Variants in NUP93 observed in about 807,000 individuals in gnomAD.
NUP93 encodes nuclear pore complex protein Nup93.
Under a neutral mutation model 107.8 loss-of-function variants are expected in NUP93, and 55 were observed. The observed-to-expected ratio is 0.51, with a 90% CI of 0.41 to 0.64. The LOEUF (loss-of-function observed/expected upper bound fraction) is 0.64, where lower values mean the gene tolerates loss of function less well. Among genes scored for constraint, NUP93 ranks in the 30% least tolerant of loss-of-function variants. The pLI, the probability that NUP93 is intolerant of heterozygous loss-of-function variation, is 0.00. For missense variants in NUP93, 937 were observed against 1,044.7 expected, an observed-to-expected ratio of 0.90 and a Z score of 1.42; for synonymous variants, 390 against 397.5, an observed-to-expected ratio of 0.98 and a Z score of 0.22.
chr16:56,818,545 C>A, intron 5 of NUP93, 119 bp from the exon 6 acceptor site: 1 of 782,496 alleles, frequency 1.3e-6, no homozygotes, highest in Non-Finnish European at 2.1e-6. Context: ...GAATTCTTAA[C>A]TAGGAAACAG....
intron 9 of NUP93, among the ~76,000 whole-genome samples, chr16:56,829,921 G>A (rs1362364017): frequency 1.3e-5 from 2 of 152,212 alleles, no homozygotes; most frequent in African/African-American, 4.8e-5. Context: ...AGGAGTTGAA[G>A]AAAAGCAAAG....
intron 3 of NUP93, among the ~76,000 whole-genome samples, chr16:56,773,950 T>C (rs1215704252): frequency 3.9e-5 from 6 of 152,222 alleles, no homozygotes. Flanking sequence ...TAGTGTTCAA[T>C]ATAATATATG....
intron 1 of NUP93, among the ~76,000 whole-genome samples, chr16:56,737,460 T>C (rs1961631971): frequency 1.3e-5 from 2 of 152,210 alleles, no homozygotes; most frequent in African/African-American, 4.8e-5. Flanking sequence ...ACAGGAATTC[T>C]GAGAGAATAC....
At chr16:56,832,512 G>T in intron 12 of NUP93, 124 bp downstream of exon 12, 1 of 716,172 alleles carries the variant, frequency 1.4e-6, no homozygotes, top group South Asian at 1.6e-5. Context: ...CCTATAGATT[G>T]TCAAGGCAAA....
At chr16:56,775,148 A>G (rs751659927) in intron 3 of NUP93, among the ~76,000 whole-genome samples, 1 of 151,898 alleles carries the variant, frequency 6.6e-6, no homozygotes, top group Non-Finnish European at 1.5e-5. Context: ...CGATCCACCT[A>G]CTTTGGCCTC....
intron 3 of NUP93, among the ~76,000 whole-genome samples, chr16:56,786,111 A>G (rs1174681290): frequency 1.3e-5 from 2 of 152,036 alleles, no homozygotes; most frequent in East Asian, 1.9e-4. Context: ...TAAAATATAT[A>G]TTTTGGCCAC....
intron 3 of NUP93, among the ~76,000 whole-genome samples, chr16:56,784,219 T>C (rs1399570137): frequency 6.6e-6 from 1 of 152,218 alleles, no homozygotes; most frequent in African/African-American, 2.4e-5. Context: ...CTTTTCACTG[T>C]CTTTTAAAAG....
intron 1 of NUP93, among the ~76,000 whole-genome samples, chr16:56,735,619 C>T (rs1206348794): frequency 2.0e-5 from 3 of 152,012 alleles, no homozygotes; most frequent in Non-Finnish European, 2.9e-5. Flanking sequence ...CCAAGGCGAG[C>T]GGATCACTTG....
intron 1 of NUP93, among the ~76,000 whole-genome samples, chr16:56,740,358 C>G (rs1399667074): frequency 2.1e-4 from 31 of 149,946 alleles, no homozygotes; most frequent in African/African-American, 7.1e-4. Context: ...GGGTCTCGGC[C>G]GGGCAGAGGC....
At chr16:56,807,129 T>C (rs1406540842) in intron 5 of NUP93, among the ~76,000 whole-genome samples, 1 of 152,214 alleles carries the variant, frequency 6.6e-6, no homozygotes, top group Non-Finnish European at 1.5e-5. Context: ...GCTTTCCCTG[T>C]TGTTCTTGCT....
rs911433570 is a variant in NUP93, at chr16:56,743,563, G to A, written c.-14-4671G>A. Among the ~76,000 whole-genome samples the A allele has an allele frequency of 2.6e-5, 4 of 152,128 alleles. 1 individual carries two copies. The highest frequency in any genetic ancestry group is 9.7e-5 in the African/African-American group (4 of 41,424). ...ATCCTACTGCAGCTTCTGAAAAAAG[G>A]TGGGTCATTGTCCTTTGTTTGATTG... On this transcript the variant is annotated intron_variant, in intron 1 of 21. Coordinates refer to ENST00000308159, the MANE Select transcript of NUP93 (RefSeq NM_014669.5).
At chr16:56,747,513 A>T (rs1961840135) in intron 1 of NUP93, among the ~76,000 whole-genome samples, 3 of 152,312 alleles carry the variant, frequency 2.0e-5, no homozygotes, top group Admixed American at 6.5e-5. Flanking sequence ...TAACCTTGTA[A>T]GATAAAGAAT....
chr16:56,778,117 G>A (rs1962448393), intron 3 of NUP93, among the ~76,000 whole-genome samples: 1 of 152,188 alleles, frequency 6.6e-6, no homozygotes, highest in South Asian at 2.1e-4. Flanking sequence ...GACTGAATGA[G>A]AGCGACACAG....
At chr16:56,762,108 A>G (rs1223994601) in intron 3 of NUP93, among the ~76,000 whole-genome samples, 1 of 152,142 alleles carries the variant, frequency 6.6e-6, no homozygotes, top group Non-Finnish European at 1.5e-5. Flanking sequence ...GTTCTAAATG[A>G]CTTTGTGGTG....
rs1290840484 is a variant in NUP93, at chr16:56,833,304, C to T, written c.1435C>T (p.Leu479Phe). The T allele has an allele frequency of 1.9e-6, 3 of 1,607,234 alleles. No individual in the cohort carries two copies. Among genetic ancestry groups the T allele is most frequent in the Non-Finnish European group, 2.5e-6 (3 of 1,177,942 alleles). The change falls in exon 13 of 22, where the codon CTT becomes TTT. Residue 479 changes from leucine (L) to phenylalanine (F), a missense_variant. Transcript: ENST00000308159. ...TAQFEAAVAF[L>F]FRMERLRCHA... ...GCAGTTTGAAGCAGCAGTTGCCTTT[C>T]TTTTCCGCATGGAGCGGCTGCGCTG...
intron 1 of NUP93, 117 bp from the exon 2 acceptor site, chr16:56,748,117 T>C (rs1961852813): frequency 3.2e-6 from 2 of 626,834 alleles, no homozygotes; most frequent in African/African-American, 1.8e-5. Context: ...TGATGAGCTG[T>C]GTCCTCGTCT....
intron 2 of NUP93, among the ~76,000 whole-genome samples, chr16:56,757,482 C>T (rs148979870): frequency 1.3e-4 from 20 of 152,220 alleles, no homozygotes; most frequent in Middle Eastern, 3.4e-3. Flanking sequence ...AGACTAGACC[C>T]GACCCGACCT....
intron 7 of NUP93, among the ~76,000 whole-genome samples, chr16:56,822,438 G>T (rs1963564211): frequency 6.6e-6 from 1 of 151,568 alleles, no homozygotes; most frequent in Non-Finnish European, 1.5e-5. Context: ...CCTGAGTCCG[G>T]GGGGGCCCAG....
At chr16:56,832,780 AG>A (rs1963822792) in intron 12 of NUP93, among the ~76,000 whole-genome samples, 4 of 152,228 alleles carry the variant, frequency 2.6e-5, no homozygotes. Flanking sequence ...TGAGAAGAAA[AG>A]AAGATTCCAA....
Sources: gnomAD v4.1 joint callset for allele counts (sites outside exome capture counted in the v4.1 genomes callset) on GRCh38, gnomAD v4.1.1 for gene constraint, MANE v1.5 for transcripts, NCBI Gene and HGNC (gene_info 2026-07-23, HGNC 2026-07-21) for gene names.